Variants in SNX14 observed in about 807,000 individuals in gnomAD.
The protein encoded by SNX14 is sorting nexin 14.
In SNX14, 93 loss-of-function variants were observed where a neutral mutation model predicts 133.8. That is an observed-to-expected ratio of 0.70 (90% confidence interval 0.59 to 0.83). The LOEUF is 0.83. Ranked by LOEUF, SNX14 falls within the 40% of genes least tolerant of loss-of-function variation. The pLI, the probability that SNX14 is intolerant of heterozygous loss-of-function variation, is 0.00. For synonymous variants in SNX14, 368 were observed against 365.6 expected (o/e 1.01, Z -0.07); for missense variants, 945 against 1,094.9 (o/e 0.86, Z 1.93).
intron 15 of SNX14, among the ~76,000 whole-genome samples, chr6:85,539,468 T>G (rs950801681): frequency 9.2e-5 from 14 of 152,272 alleles, no homozygotes; most frequent in Admixed American, 9.2e-4. Flanking sequence ...AGTTGTACTT[T>G]AAGTATACAA....
intron 12 of SNX14, among the ~76,000 whole-genome samples, chr6:85,545,558 A>G (rs1466929288): frequency 1.3e-5 from 2 of 152,252 alleles, no homozygotes; most frequent in Non-Finnish European, 2.9e-5. Flanking sequence ...AGCATTTTAT[A>G]ATGATAAAAG....
chr6:85,539,168 C>T (rs1782828920), intron 15 of SNX14, among the ~76,000 whole-genome samples: 1 of 152,086 alleles, frequency 6.6e-6, no homozygotes, highest in Non-Finnish European at 1.5e-5. Flanking sequence ...AAATAACTGA[C>T]TTTTTTCTAC....
chr6:85,561,788 T>C (rs774814726), intron 6 of SNX14, among the ~76,000 whole-genome samples: 4 of 152,136 alleles, frequency 2.6e-5, no homozygotes, highest in Non-Finnish European at 4.4e-5. Context: ...ACCACACATA[T>C]TAGTTTCCAG....
chr6:85,555,562 C>A (rs1789431479), intron 7 of SNX14, among the ~76,000 whole-genome samples: 1 of 152,096 alleles, frequency 6.6e-6, no homozygotes, highest in Non-Finnish European at 1.5e-5. Context: ...GCCAGGGATT[C>A]CCAGAGGAAA....
chr6:85,563,772 CTTTTT>C (rs533938737), intron 6 of SNX14, among the ~76,000 whole-genome samples: 1 of 152,036 alleles, frequency 6.6e-6, no homozygotes, highest in Non-Finnish European at 1.5e-5. Context: ...TGACTTTTTT[CTTTTT>C]TATTATTATT....
intron 5 of SNX14, among the ~76,000 whole-genome samples, chr6:85,566,165 T>C (rs1454424858): frequency 6.6e-6 from 1 of 152,262 alleles, no homozygotes; most frequent in Middle Eastern, 3.4e-3. Context: ...GAAATACAAC[T>C]AGATTTTATG....
chr6:85,579,734 C>G (rs866030466), intron 1 of SNX14, among the ~76,000 whole-genome samples: 12 of 152,204 alleles, frequency 7.9e-5, no homozygotes, highest in African/African-American at 2.9e-4. Context: ...TCCCAGTAGT[C>G]CAAACCTGAG....
intron 1 of SNX14, 26 bp from the exon 2 acceptor site, chr6:85,574,404 T>C: frequency 6.8e-7 from 1 of 1,472,626 alleles, no homozygotes; most frequent in Non-Finnish European, 9.2e-7. Context: ...AAATAATTAT[T>C]ACAACCAAAG....
rs939131914 is a variant in SNX14 at position 85,505,839 on chromosome 6, C to A, written c.*128G>T. On this transcript the variant is annotated 3_prime_UTR_variant, in exon 29 of 29. Transcript: ENST00000314673. ...AGTTTGTGTTAGTCTTTATTAAAAA[C>A]AAAAAATAACTAAAATTTCAGACAG... 14 of 658,504 alleles carry A rather than the reference C, an allele frequency of 2.1e-5. No individual in the cohort carries two copies. The East Asian group carries it at 2.3e-4, about 11-fold the overall frequency. 40.8% of individuals were successfully genotyped at this position (658,504 alleles called of 1,614,324 possible). A position where few individuals can be genotyped will look rare whatever the true frequency, so the allele number is the denominator to read the frequency against.
intron 4 of SNX14, 91 bp downstream of exon 4, chr6:85,572,046 T>C (rs1279921632): frequency 2.9e-6 from 3 of 1,043,672 alleles, no homozygotes; most frequent in East Asian, 5.1e-5. Flanking sequence ...ATTAAGATGC[T>C]CCATGATTAA....
At chr6:85,584,272 G>A (rs569070210) in intron 1 of SNX14, among the ~76,000 whole-genome samples, 9 of 152,258 alleles carry the variant, frequency 5.9e-5, no homozygotes, top group South Asian at 2.1e-4. Context: ...ACACTTAAAC[G>A]TAAGACCCAA....
intron 7 of SNX14, among the ~76,000 whole-genome samples, chr6:85,550,371 T>A (rs1225512420): frequency 2.0e-5 from 3 of 152,210 alleles, no homozygotes; most frequent in Non-Finnish European, 4.4e-5. Context: ...TAGCAAATGA[T>A]TAAGTGGAAA....
At position 85,508,136 on chromosome 6, in the gene SNX14, C is replaced by T. The variant is rs1302026957; in HGVS notation, c.2654-77G>A. On this transcript the variant is annotated intron_variant, in intron 26 of 28. Coordinates refer to ENST00000314673, the MANE Select transcript of SNX14 (RefSeq NM_153816.6). ...CATTAACTGGATCATAAAGCAAAAT[C>T]ACCACCCTGTTTCCCAGATACTAGG... 2.0e-6 allele frequency: 3 copies of T among 1,510,196 alleles called. No homozygotes were observed. In the African/African-American group the frequency reaches 4.2e-5, roughly 21 times the overall value. 93.5% of individuals were successfully genotyped at this position (1,510,196 alleles called of 1,614,324 possible).
chr6:85,575,790 G>A (rs992489597), intron 1 of SNX14, among the ~76,000 whole-genome samples: 1 of 152,188 alleles, frequency 6.6e-6, no homozygotes, highest in South Asian at 2.1e-4. Context: ...CACCAGCAAA[G>A]GAACTTTTGG....
In SNX14 at chr6:85,547,529, T is replaced by A; in HGVS notation, c.889A>T (p.Ile297Phe). Residue 297 changes from isoleucine to phenylalanine, a missense_variant, in exon 10 of 29, where the codon ATC becomes TTC. Ile to Phe is a conservative substitution (Grantham distance 21, BLOSUM62 0). Transcript: ENST00000314673. ...ADPDTVNHLLIIFIDDSPPEK... is the reference protein window; with the variant it reads ...ADPDTVNHLLFIFIDDSPPEK... ...ACTGGACTGTCATCTATGAAGATGATAAGCAAATGATTCACAGTATCCTAG... is the reference window on the plus strand; with the variant it reads ...ACTGGACTGTCATCTATGAAGATGAAAAGCAAATGATTCACAGTATCCTAG... 1 of 1,603,756 alleles carries A rather than the reference T, an allele frequency of 6.2e-7. No homozygotes were observed. Among genetic ancestry groups the A allele is most frequent in the Non-Finnish European group, 8.5e-7 (1 of 1,176,622 alleles).
At chr6:85,567,709 G>T in intron 4 of SNX14, 132 bp from the exon 5 acceptor site, 1 of 535,148 alleles carries the variant, frequency 1.9e-6, no homozygotes, top group Non-Finnish European at 3.1e-6. Context: ...TAGGCGGTGA[G>T]CAGTGGCTCA....
chr6:85,525,251 AAT>A (rs1436217544), intron 21 of SNX14, among the ~76,000 whole-genome samples: 1 of 152,292 alleles, frequency 6.6e-6, no homozygotes, highest in East Asian at 1.9e-4. Flanking sequence ...TATTTTAAAA[AAT>A]AGACCAAATA....
chr6:85,515,110 C>CA (rs938226559), intron 23 of SNX14, among the ~76,000 whole-genome samples: 1 of 151,206 alleles, frequency 6.6e-6, no homozygotes, highest in Non-Finnish European at 1.5e-5. Flanking sequence ...ACTAAAAATA[C>CA]AAAAAAATTA....
At chr6:85,508,206 A>C in intron 26 of SNX14, 147 bp from the exon 27 acceptor site, 2 of 1,343,982 alleles carry the variant, frequency 1.5e-6, no homozygotes, top group Non-Finnish European at 1.9e-6. Context: ...TTTCTATAAG[A>C]GGCTCCTGGA....
Sources: allele counts gnomAD v4.1 joint callset (sites outside exome capture counted in the v4.1 genomes callset), GRCh38; gene constraint gnomAD v4.1.1; transcripts MANE v1.5; gene names NCBI Gene and HGNC (gene_info 2026-07-23, HGNC 2026-07-21).